The following STIM1 variants were observed in gnomAD, a reference collection of about 807,000 sequenced individuals.
The protein encoded by STIM1 is stromal interaction molecule 1.
A neutral mutation model predicts 74.7 loss-of-function variants in STIM1; 25 were observed. The ratio of observed to expected loss-of-function variants is 0.33; its 90% CI spans 0.24 to 0.47. The LOEUF is 0.47. Among genes scored for constraint, STIM1 ranks in the 20% least tolerant of loss-of-function variants. The pLI is 1.00. For missense variants in STIM1, 728 were observed against 920.8 expected (o/e 0.79, Z 2.71); for synonymous variants, 328 against 348.8 (o/e 0.94, Z 0.66).
At chr11:4,007,933 T>C (rs1053704249) in intron 2 of STIM1, among the ~76,000 whole-genome samples, 2 of 152,080 alleles carry the variant, frequency 1.3e-5, no homozygotes, top group Non-Finnish European at 2.9e-5. Context: ...TTCTAAGAGA[T>C]AGGGGATTGA....
chr11:3,905,192 C>T (rs1225353288), intron 1 of STIM1, among the ~76,000 whole-genome samples: 1 of 151,974 alleles, frequency 6.6e-6, no homozygotes, highest in East Asian at 1.9e-4. Context: ...TCATTGGTGA[C>T]CATGGTGACA....
At chr11:4,007,816 A>G (rs1207133548) in intron 2 of STIM1, among the ~76,000 whole-genome samples, 1 of 152,176 alleles carries the variant, frequency 6.6e-6, no homozygotes, top group Admixed American at 6.5e-5. Flanking sequence ...ATGCATGTGC[A>G]TAAGTCTGTG....
At chr11:3,956,217 C>T (rs531256248) in intron 1 of STIM1, among the ~76,000 whole-genome samples, 4 of 152,194 alleles carry the variant, frequency 2.6e-5, no homozygotes, top group East Asian at 1.9e-4. Flanking sequence ...GCCTATAGCT[C>T]GCATTTCTGC....
Position 3,864,847 on chromosome 11 carries a change from G to A in STIM1, c.139+8438G>A, listed in dbSNP as rs531933029. 7.2e-5 allele frequency among the ~76,000 whole-genome samples: 11 copies of A among 152,300 alleles called. No homozygotes were observed. In the South Asian group the frequency reaches 2.1e-3, roughly 29 times the overall value. On this transcript the variant is annotated intron_variant, in intron 1 of 12. Transcript: ENST00000526596. ...TTTGACTTCCTTTGCTTATGACCTA[G>A]AGTCTTGTGGAGTCTTTTTATACTC...
chr11:3,859,732 G>C (rs892599512), intron 1 of STIM1, among the ~76,000 whole-genome samples: 5 of 152,218 alleles, frequency 3.3e-5, no homozygotes, highest in Non-Finnish European at 5.9e-5. Context: ...GGCCATCTTG[G>C]TAGCTATGCT....
At chr11:4,089,158 G>C in intron 12 of STIM1, 1 of 215,546 alleles carries the variant, frequency 4.6e-6, no homozygotes, top group Non-Finnish European at 9.6e-6. Flanking sequence ...GGGAGGTCAA[G>C]GCTGCAGTGA....
rs79690802 is a variant in STIM1 at position 3,865,022 on chromosome 11, A to T, written c.139+8613A>T. Among the ~76,000 whole-genome samples, 1,499 of 152,190 alleles carry T rather than the reference A, an allele frequency of 9.8e-3. 19 individuals carry two copies. The highest frequency in any genetic ancestry group is 0.033 in the African/African-American group (1,367 of 41,518). ...CCTGCCTACCAACTTTTTTTGTTTC[A>T]TACCTTCTATTCTGGAGCCCATTGT... On this transcript the variant is annotated intron_variant, in intron 1 of 12. Coordinates refer to ENST00000526596, the MANE Select transcript of STIM1 (RefSeq NM_001382567.1).
chr11:4,001,658 T>C (rs377686050), intron 2 of STIM1, among the ~76,000 whole-genome samples: 2 of 152,010 alleles, frequency 1.3e-5, no homozygotes, highest in Non-Finnish European at 2.9e-5. Context: ...ACCATTGAGA[T>C]TAGGAAGAAA....
At chr11:3,924,339 C>T (rs1016121154) in intron 1 of STIM1, among the ~76,000 whole-genome samples, 1 of 151,320 alleles carries the variant, frequency 6.6e-6, no homozygotes, top group African/African-American at 2.4e-5. Flanking sequence ...GCTGGGACTA[C>T]AGGCGCCCAC....
intron 1 of STIM1, among the ~76,000 whole-genome samples, chr11:3,915,046 G>A (rs1022715054): frequency 2.0e-5 from 3 of 151,738 alleles, no homozygotes; most frequent in African/African-American, 7.3e-5. Context: ...GTGCTTATTG[G>A]CCATTTGTAT....
At chr11:3,884,806 G>A (rs1029821745) in intron 1 of STIM1, among the ~76,000 whole-genome samples, 1 of 151,638 alleles carries the variant, frequency 6.6e-6, no homozygotes, top group Non-Finnish European at 1.5e-5. Context: ...GGGTATGTTT[G>A]TATAATGGAA....
intron 3 of STIM1, among the ~76,000 whole-genome samples, chr11:4,039,585 C>CAA (rs549132163): frequency 1.7e-4 from 9 of 54,458 alleles, no homozygotes; most frequent in Admixed American, 5.3e-4. Context: ...GACTCCATCT[C>CAA]AAAAAAAAAA....
intron 3 of STIM1, among the ~76,000 whole-genome samples, chr11:4,045,765 T>C (rs1009223275): frequency 2.8e-5 from 4 of 145,286 alleles, no homozygotes; most frequent in African/African-American, 7.6e-5. Flanking sequence ...AACACTTCTT[T>C]TTTTTTTTTT....
At chr11:3,887,892 C>T (rs891601299) in intron 1 of STIM1, among the ~76,000 whole-genome samples, 5 of 150,346 alleles carry the variant, frequency 3.3e-5, no homozygotes, top group Non-Finnish European at 4.4e-5. Context: ...CGCTTCAACC[C>T]GGGAGGCACG....
In STIM1 at chr11:4,000,120, G is replaced by A. The variant is rs567506831; in HGVS notation, c.271-23753G>A. On this transcript the variant is annotated intron_variant, in intron 2 of 12. Transcript: ENST00000526596. ...GTGGAGCCCACCACGGCTCAAGGAG[G>A]CCTGCCTGCCTCTGTAGGCTCCACC... 1.6e-4 allele frequency among the ~76,000 whole-genome samples: 25 copies of A among 152,048 alleles called. No homozygotes were observed. The South Asian group carries it at 5.0e-3, about 30-fold the overall frequency.
chr11:3,941,361 G>A (rs920935345), intron 1 of STIM1, among the ~76,000 whole-genome samples: 1 of 152,096 alleles, frequency 6.6e-6, no homozygotes, highest in African/African-American at 2.4e-5. Context: ...GGAGGTGCAG[G>A]ATGAATTAGA....
intron 1 of STIM1, among the ~76,000 whole-genome samples, chr11:3,957,943 G>A (rs1187481215): frequency 1.3e-5 from 2 of 151,978 alleles, no homozygotes; most frequent in African/African-American, 2.4e-5. Flanking sequence ...TTGACTCACT[G>A]CAACCTCCAC....
chr11:3,900,829 G>A (rs1301756037), intron 1 of STIM1, among the ~76,000 whole-genome samples: 1 of 152,160 alleles, frequency 6.6e-6, no homozygotes, highest in African/African-American at 2.4e-5. Context: ...TCCCACCTTG[G>A]CTTCCCAAAG....
chr11:3,925,162 C>T (rs943506844), intron 1 of STIM1, among the ~76,000 whole-genome samples: 3 of 152,230 alleles, frequency 2.0e-5, no homozygotes, highest in East Asian at 1.9e-4. Flanking sequence ...TTTGGGAGGC[C>T]GATGCAGGTG....
Sources: gnomAD v4.1 joint callset for allele counts (sites outside exome capture counted in the v4.1 genomes callset) on GRCh38, gnomAD v4.1.1 for gene constraint, MANE v1.5 for transcripts, NCBI Gene and HGNC (gene_info 2026-07-23, HGNC 2026-07-21) for gene names.